SDK2: variants seen among roughly 807,000 people sequenced by gnomAD.
SDK2 encodes the protein protein sidekick-2.
SDK2 carries 105 observed loss-of-function variants against 253.9 expected under a neutral mutation model. That is an observed-to-expected ratio of 0.41 (90% CI 0.35 to 0.49). The LOEUF (loss-of-function observed/expected upper bound fraction) is 0.49. Among genes scored for constraint, SDK2 ranks in the 20% least tolerant of loss-of-function variants. SDK2 has a pLI of 0.06. For synonymous variants in SDK2, 1,249 were observed against 1,234.9 expected, an observed-to-expected ratio of 1.01 and a Z score of -0.24; for missense variants, 2,608 against 3,003.0, an observed-to-expected ratio of 0.87 and a Z score of 3.07.
chr17:73,624,576 G>T (rs2046177178), intron 1 of SDK2, among the ~76,000 whole-genome samples: 1 of 152,206 alleles, frequency 6.6e-6, no homozygotes, highest in South Asian at 2.1e-4. Flanking sequence ...AGCAGCAAAT[G>T]AACTCTAGTG....
intron 40 of SDK2, among the ~76,000 whole-genome samples, chr17:73,355,176 T>TATATATATATATATA (rs1568363071): frequency 1.2e-3 from 7 of 5,782 alleles, no homozygotes; most frequent in South Asian, 6.9e-3. Context: ...ATATATATAT[T>TATATATATATATATA]TTTTTTTTTT....
At chr17:73,367,387 T>C (rs1177371020) in intron 37 of SDK2, among the ~76,000 whole-genome samples, 1 of 152,172 alleles carries the variant, frequency 6.6e-6, no homozygotes, top group Non-Finnish European at 1.5e-5. Context: ...CACCTGGCTT[T>C]CTCTGCGTTC....
rs115019429 is a variant in SDK2, at chr17:73,550,987, G to A, written c.65-43390C>T. Among the ~76,000 whole-genome samples, 597 of 152,248 alleles carry A rather than the reference G, an allele frequency of 3.9e-3. 3 individuals carry two copies. The highest frequency in any genetic ancestry group is 0.014 in the African/African-American group (570 of 41,536). On this transcript the variant is annotated intron_variant, in intron 1 of 44. Transcript: ENST00000392650. The stretch of plus-strand genomic sequence containing the variant: ...TGCCTACCTCCTGTCTCCTGTCAGT[G>A]CTTCCCACTGGCCAAGCCTAACCTG...
chr17:73,390,415 G>A lies in SDK2; in HGVS notation c.4064C>T (p.Pro1355Leu). ...ANTATVEVLA[P>L]SARQYTATGL... ...CGTGGCTGTGTACTGCCGGGCGCTG[G>A]GTGCCAGCACCTCCACAGTGGCGGT... Residue 1355 changes from proline to leucine, a missense_variant, in exon 29 of 45, where the codon CCC (proline) becomes CTC (leucine). Physicochemically the swap from Pro to Leu is moderately conservative, Grantham distance 98. Transcript: ENST00000392650. 1 of 1,612,880 alleles carries A rather than the reference G, an allele frequency of 6.2e-7. No individual in the cohort carries two copies. Among genetic ancestry groups the A allele is most frequent in the East Asian group, 2.2e-5 (1 of 44,858 alleles).
intron 16 of SDK2, 117 bp downstream of exon 16, chr17:73,419,049 C>T: frequency 1.7e-6 from 2 of 1,165,962 alleles, no homozygotes; most frequent in Non-Finnish European, 1.2e-6. Flanking sequence ...GTTACCTAGT[C>T]CTTCCTAGAT....
At chr17:73,353,535 C>A (rs2062557916) in intron 40 of SDK2, among the ~76,000 whole-genome samples, 1 of 151,972 alleles carries the variant, frequency 6.6e-6, no homozygotes, top group Non-Finnish European at 1.5e-5. Context: ...ATTCTCCTGC[C>A]TCAGCTTTCC....
chr17:73,437,826 C>G lies in SDK2; in HGVS notation c.917-4G>C, dbSNP rs758099093. 1 of 1,613,812 alleles carries G rather than the reference C, an allele frequency of 6.2e-7. No individual in the cohort carries two copies. Among genetic ancestry groups the G allele is most frequent in the East Asian group, 2.2e-5 (1 of 44,884 alleles). ...TCCTTGACAAACTGAGGCGGTTCTG[C>G]AGGAGGAAGGACCAGGGGAGGGGGT... On this transcript the variant is annotated splice_region_variant and splice_polypyrimidine_tract_variant and intron_variant, in intron 7 of 44. Transcript: ENST00000392650.
At position 73,361,405 on chromosome 17, in the gene SDK2, G is replaced by A. The variant is rs763654733; in HGVS notation, c.5467+279C>T. ...CAGGGAGAGAAAGAACGAAGCAGGCGCAGTGGCCAGGCCAGGCCTGTGGGC... is the reference window on the plus strand; with the variant it reads ...CAGGGAGAGAAAGAACGAAGCAGGCACAGTGGCCAGGCCAGGCCTGTGGGC... On this transcript the variant is annotated intron_variant, in intron 39 of 44. Transcript: ENST00000392650. This position sits in a 1 kb window ranked among gnomAD's most constrained non-coding sequence, Gnocchi z 4.1. Among the ~76,000 whole-genome samples, 2 of 152,226 alleles carry A rather than the reference G, an allele frequency of 1.3e-5. No homozygotes were observed. The highest frequency in any genetic ancestry group is 1.9e-4 in the East Asian group (1 of 5,188).
In SDK2 at chr17:73,472,249, A is replaced by T. The variant is rs564385639; in HGVS notation, c.225-31T>A. 6.6e-4 allele frequency: 1,004 copies of T among 1,510,508 alleles called. 4 individuals carry two copies. Among genetic ancestry groups the T allele is most frequent in the South Asian group, 1.3e-3 (107 of 83,196 alleles). 93.6% of individuals were successfully genotyped at this position (1,510,508 alleles called of 1,614,324 possible). The stretch of plus-strand genomic sequence containing the variant: ...GGACAGACGAGACAGCCAGTGAGCA[A>T]GTCAGGCAGCTGCAGGGGTACAGAG... On this transcript the variant is annotated intron_variant, in intron 2 of 44. Coordinates refer to ENST00000392650, the MANE Select transcript of SDK2 (RefSeq NM_001144952.2).
At chr17:73,568,330 C>A (rs1407650803) in intron 1 of SDK2, among the ~76,000 whole-genome samples, 1 of 152,172 alleles carries the variant, frequency 6.6e-6, no homozygotes, top group Non-Finnish European at 1.5e-5. Context: ...TTGAGCCCCT[C>A]GCTAGAAAGA....
At chr17:73,380,745 A>G in intron 34 of SDK2, 149 bp downstream of exon 34, 1 of 720,286 alleles carries the variant, frequency 1.4e-6, no homozygotes. Flanking sequence ...GTTTAGGGTT[A>G]TCACTTGTGT....
chr17:73,494,063 G>A (rs1252519192), intron 2 of SDK2, among the ~76,000 whole-genome samples: 2 of 152,208 alleles, frequency 1.3e-5, no homozygotes, highest in Non-Finnish European at 2.9e-5. Flanking sequence ...CCCTGACCCG[G>A]CGAGTCCCTC....
At chr17:73,377,256 T>G (rs1213414860) in intron 36 of SDK2, among the ~76,000 whole-genome samples, 1 of 150,942 alleles carries the variant, frequency 6.6e-6, no homozygotes. Context: ...TCTTGCTCTG[T>G]TGTCCAGGCT....
chr17:73,422,809 G>A (rs1044298640), intron 14 of SDK2, among the ~76,000 whole-genome samples: 7 of 152,056 alleles, frequency 4.6e-5, no homozygotes, highest in Non-Finnish European at 8.8e-5. Flanking sequence ...ATCACCTGAG[G>A]TCAGGGGTTT....
intron 1 of SDK2, among the ~76,000 whole-genome samples, chr17:73,633,265 A>G (rs1339233644): frequency 6.6e-6 from 1 of 152,196 alleles, no homozygotes; most frequent in Non-Finnish European, 1.5e-5. Flanking sequence ...AGCCTGGCTG[A>G]CAGAGACCGA....
intron 2 of SDK2, among the ~76,000 whole-genome samples, chr17:73,497,648 C>A (rs1174918809): frequency 6.6e-6 from 1 of 150,524 alleles, no homozygotes; most frequent in Non-Finnish European, 1.5e-5. Context: ...GCATCTCAGA[C>A]CCATCCGCTC....
chr17:73,378,861 G>T (rs2145465395), intron 36 of SDK2, among the ~76,000 whole-genome samples: 1 of 152,310 alleles, frequency 6.6e-6, no homozygotes, highest in Middle Eastern at 3.4e-3. Flanking sequence ...TTGGGGGCTG[G>T]TGGGGAGGGA....
chr17:73,477,387 T>A (rs1050396901), intron 2 of SDK2, among the ~76,000 whole-genome samples: 4 of 151,964 alleles, frequency 2.6e-5, no homozygotes, highest in African/African-American at 9.7e-5. Context: ...CCACACCTGA[T>A]CCACTCAAGA....
chr17:73,469,735 G>C (rs1003556321), intron 3 of SDK2, among the ~76,000 whole-genome samples: 15 of 152,162 alleles, frequency 9.9e-5, no homozygotes, highest in Admixed American at 2.0e-4. Context: ...TCAAGGAGCT[G>C]AGTCTGGGCT....
Sources: gnomAD v4.1 joint callset for allele counts (sites outside exome capture counted in the v4.1 genomes callset) on GRCh38, gnomAD v4.1.1 for gene constraint, Gnocchi (gnomAD v3.1) non-coding constraint, MANE v1.5 for transcripts, NCBI Gene and HGNC (gene_info 2026-07-23, HGNC 2026-07-21) for gene names.